PCDHGB5: variants seen among roughly 807,000 people sequenced by gnomAD.
PCDHGB5 encodes the protein protocadherin gamma subfamily B, 5.
In PCDHGB5, 48 loss-of-function variants were observed where a neutral mutation model predicts 62.9. The ratio of observed to expected loss-of-function variants is 0.76; its 90% CI spans 0.61 to 0.97. The LOEUF is 0.97. PCDHGB5 is among the 50% of genes least tolerant of loss of function. The pLI is 0.00. For missense variants in PCDHGB5, 1,118 were observed against 1,198.6 expected (o/e 0.93, Z 0.99); for synonymous variants, 474 against 511.2 (o/e 0.93, Z 0.98).
intron 1 of PCDHGB5, chr5:141,478,292 CTATA>C (rs1257685524): frequency 6.2e-7 from 1 of 1,614,146 alleles, no homozygotes; most frequent in Admixed American, 1.7e-5. Flanking sequence ...GTCTAGAGAC[CTATA>C]CCGAGCCCCG....
Position 141,489,533 on chromosome 5 carries a change from C to G in PCDHGB5, c.2398-5274C>G, listed in dbSNP as rs754586925. The G allele has an allele frequency of 6.2e-7, 1 of 1,614,086 alleles. No individual in the cohort carries two copies. The highest frequency in any genetic ancestry group is 1.7e-5 in the Admixed American group (1 of 60,030). ...ATTGACCGAGAAAGCCTATGTGGAG[C>G]CAGCACCAGCTGCCTGCTGCCAGTG... On this transcript the variant is annotated intron_variant, in intron 1 of 3. Coordinates refer to ENST00000617380, the MANE Select transcript of PCDHGB5 (RefSeq NM_018925.3). The surrounding 1 kb of genome is among the most constrained non-coding windows in gnomAD (Gnocchi z 4.5).
chr5:141,423,811 T>G, intron 1 of PCDHGB5: 1 of 1,254,642 alleles, frequency 8.0e-7, no homozygotes, highest in Non-Finnish European at 1.0e-6. Flanking sequence ...ACATGTGAGT[T>G]TTACTTTGCC....
intron 1 of PCDHGB5, among the ~76,000 whole-genome samples, chr5:141,456,083 G>A (rs2098842632): frequency 6.6e-6 from 1 of 151,960 alleles, no homozygotes; most frequent in South Asian, 2.1e-4. Context: ...ATTTTCAGTA[G>A]AGACGGGATT....
chr5:141,430,997 C>G, intron 1 of PCDHGB5: 1 of 1,613,926 alleles, frequency 6.2e-7, no homozygotes. Context: ...CCTGAATCCG[C>G]GCAGCGGCAG....
At chr5:141,501,290 TACACACACACACACACAC>T (rs55762287) in intron 2 of PCDHGB5, among the ~76,000 whole-genome samples, 6 of 136,162 alleles carry the variant, frequency 4.4e-5, no homozygotes, top group South Asian at 2.4e-4. Flanking sequence ...TATTCCCTTA[TACACACACACACACACAC>T]ACACACACAC....
intron 1 of PCDHGB5, among the ~76,000 whole-genome samples, chr5:141,449,520 C>T (rs1384869748): frequency 1.4e-5 from 2 of 144,104 alleles, no homozygotes; most frequent in Non-Finnish European, 1.5e-5. Context: ...ACCTGGGAGG[C>T]GGAGGTTGCA....
At position 141,490,370 on chromosome 5, in the gene PCDHGB5, G is replaced by A. The variant is rs768474199; in HGVS notation, c.2398-4437G>A. Reference sequence around the variant, plus strand: ...GTGGGGTTGTTTAATGTGCGAGACCGGGACTCAGGTAGAAATGGTGAAGTG... The same window carrying A: ...GTGGGGTTGTTTAATGTGCGAGACCAGGACTCAGGTAGAAATGGTGAAGTG... On this transcript the variant is annotated intron_variant, in intron 1 of 3. Coordinates refer to ENST00000617380, the MANE Select transcript of PCDHGB5 (RefSeq NM_018925.3). The surrounding 1 kb of genome is among the most constrained non-coding windows in gnomAD (Gnocchi z 5.4). 32 of 1,614,054 alleles carry A rather than the reference G, an allele frequency of 2.0e-5. No homozygotes were observed. The highest frequency in any genetic ancestry group is 1.0e-4 in the Admixed American group (6 of 60,006).
rs765754054 is a variant in PCDHGB5 at position 141,503,598 on chromosome 5, CA to C, written c.2457-1779del. Among the ~76,000 whole-genome samples, 277 of 65,728 alleles carry C rather than the reference CA, an allele frequency of 4.2e-3. 2 individuals are homozygous for C. The highest frequency in any genetic ancestry group is 0.012 in the Middle Eastern group (1 of 86). The allele number at this position is 65,728 out of a possible 152,430, so 43.1% of individuals were successfully genotyped here. A position where few individuals can be genotyped will look rare whatever the true frequency, so the allele number is the denominator to read the frequency against. ...TGGGTGACAGAGCGAGACTCCAGCT[CA>C]AAAAAAAAAAAAAAAGAAAAAAGAA... On this transcript the variant is annotated intron_variant, in intron 2 of 3. Coordinates refer to ENST00000617380, the MANE Select transcript of PCDHGB5 (RefSeq NM_018925.3).
chr5:141,441,136 GA>G (rs1379465827), intron 1 of PCDHGB5: 2 of 152,304 alleles, frequency 1.3e-5, no homozygotes, highest in Middle Eastern at 3.4e-3. Flanking sequence ...CGAATTTCTA[GA>G]AGATAATGAC....
rs780436102 is a variant in PCDHGB5 at position 141,431,846 on chromosome 5, G to T, written c.2397+31322G>T. On this transcript the variant is annotated intron_variant, in intron 1 of 3. Coordinates refer to ENST00000617380, the MANE Select transcript of PCDHGB5 (RefSeq NM_018925.3). The surrounding 1 kb of genome is among the most constrained non-coding windows in gnomAD (Gnocchi z 4.8). ...CTCGGTTCCCGAAAACTCTCCCAGA[G>T]GGACATTAATTGCCCTTTTAAATGT... 4 of 1,614,274 alleles carry T rather than the reference G, an allele frequency of 2.5e-6. No homozygotes were observed. The South Asian group carries it at 4.4e-5, about 18-fold the overall frequency.
At chr5:141,403,559 G>C (rs1281537625) in intron 1 of PCDHGB5, 1 of 1,613,974 alleles carries the variant, frequency 6.2e-7, no homozygotes. Flanking sequence ...CCTGGACAGG[G>C]AGGAGGCAAC....
chr5:141,431,147 G>A lies in PCDHGB5; in HGVS notation c.2397+30623G>A, dbSNP rs1303502732. ...AGAAGTAAGGGACATTAACGACAAT[G>A]CGCCTTACTTTCGTGAAAGTGAATT... On this transcript the variant is annotated intron_variant, in intron 1 of 3. Coordinates refer to ENST00000617380, the MANE Select transcript of PCDHGB5 (RefSeq NM_018925.3). The surrounding 1 kb of genome is among the most constrained non-coding windows in gnomAD (Gnocchi z 4.8). 6.2e-7 allele frequency: 1 copy of A among 1,614,228 alleles called. No homozygotes were observed. The highest frequency in any genetic ancestry group is 1.7e-5 in the Admixed American group (1 of 60,030).
Position 141,398,585 on chromosome 5 carries a change from T to C in PCDHGB5, c.458T>C (p.Ile153Thr), listed in dbSNP as rs200356405. ...TCTGCACAGCCTGGCACAAGATTTA[T>C]ACTAGAAGTAGCAGAAGATGCAGAT... ...SESAQPGTRFILEVAEDADIG... is the reference protein window; with the variant it reads ...SESAQPGTRFTLEVAEDADIG... The change falls in exon 1 of 4, where the codon ATA (isoleucine) becomes ACA (threonine). Residue 153 changes from isoleucine to threonine, a missense_variant. Physicochemically the swap from Ile to Thr is moderately conservative, Grantham distance 89 (BLOSUM62 -1). Around this residue, in one of 2 missense-constraint regions of PCDHGB5, gnomAD observed 1,034 missense variants for 1,029.1 expected, o/e 1.00. Transcript: ENST00000617380. The C allele has an allele frequency of 1.9e-6, 3 of 1,614,080 alleles. No individual in the cohort carries two copies. Among genetic ancestry groups the C allele is most frequent in the Non-Finnish European group, 2.5e-6 (3 of 1,179,914 alleles).
Position 141,486,683 on chromosome 5 carries a change from G to C in PCDHGB5, c.2398-8124G>C, listed in dbSNP as rs1207359772. 6.2e-7 allele frequency: 1 copy of C among 1,613,974 alleles called. No individual in the cohort carries two copies. ...GGAGCCCAGGAATCGAGATGTATCA[G>C]CTTCCTCTTTCATCTCTCTGAACCC... On this transcript the variant is annotated intron_variant, in intron 1 of 3. Coordinates refer to ENST00000617380, the MANE Select transcript of PCDHGB5 (RefSeq NM_018925.3). This position sits in a 1 kb window ranked among gnomAD's most constrained non-coding sequence, Gnocchi z 5.0.
chr5:141,495,853 C>T (rs1254274145), intron 2 of PCDHGB5, among the ~76,000 whole-genome samples: 1 of 152,136 alleles, frequency 6.6e-6, no homozygotes, highest in African/African-American at 2.4e-5. Context: ...TTCTCTGTCT[C>T]TCACTATTTC....
chr5:141,423,437 C>CACGT (rs766166209), intron 1 of PCDHGB5: 1 of 1,613,952 alleles, frequency 6.2e-7, no homozygotes, highest in Non-Finnish European at 8.5e-7. Context: ...GCAGGTATGC[C>CACGT]CACGTCACAT....
At chr5:141,422,849 C>G in intron 1 of PCDHGB5, 1 of 1,614,238 alleles carries the variant, frequency 6.2e-7, no homozygotes, top group East Asian at 2.2e-5. Flanking sequence ...AGCGGGGACC[C>G]GCCCCTCAGC....
chr5:141,431,770 T>A lies in PCDHGB5; in HGVS notation c.2397+31246T>A, dbSNP rs748816389. 7 of 1,614,086 alleles carry A rather than the reference T, an allele frequency of 4.3e-6. No homozygotes were observed. The highest frequency in any genetic ancestry group is 1.3e-5 in the African/African-American group (1 of 74,938). ...CGCGAGCCAAAGTCCTGATCACTGT[T>A]CTGGACGTGAACGACAATGCCCCAG... On this transcript the variant is annotated intron_variant, in intron 1 of 3. Coordinates refer to ENST00000617380, the MANE Select transcript of PCDHGB5 (RefSeq NM_018925.3). This position sits in a 1 kb window ranked among gnomAD's most constrained non-coding sequence, Gnocchi z 4.8.
rs769909773 is a variant in PCDHGB5 at position 141,476,732 on chromosome 5, C to T, written c.2398-18075C>T. The T allele has an allele frequency of 8.7e-6, 14 of 1,614,096 alleles. No homozygotes were observed. Among genetic ancestry groups the T allele is most frequent in the Non-Finnish European group, 1.1e-5 (13 of 1,180,030 alleles). ...GTTGGAGCGCGCCCTGGACCGAGAA[C>T]GGGAGCCTAGTCTCCAGTTAGTGCT... is the stretch of plus-strand genomic sequence containing the variant. On this transcript the variant is annotated intron_variant, in intron 1 of 3. Coordinates refer to ENST00000617380, the MANE Select transcript of PCDHGB5 (RefSeq NM_018925.3). The surrounding 1 kb of genome is among the most constrained non-coding windows in gnomAD (Gnocchi z 7.6).
Sources: gnomAD v4.1 joint callset for allele counts (sites outside exome capture counted in the v4.1 genomes callset) on GRCh38, gnomAD v4.1.1 for gene constraint, gnomAD v4.1.1 regional missense constraint, Gnocchi (gnomAD v3.1) non-coding constraint, MANE v1.5 for transcripts, NCBI Gene and HGNC (gene_info 2026-07-23, HGNC 2026-07-21) for gene names.